ADGRB1: variants seen among roughly 807,000 people sequenced by gnomAD.
The protein encoded by ADGRB1 is brain-specific angiogenesis inhibitor 1.
A neutral mutation model predicts 175.7 loss-of-function variants in ADGRB1; 36 were observed. That is an observed-to-expected ratio of 0.20 (90% confidence interval 0.16 to 0.27). ADGRB1 has a LOEUF of 0.27. Among genes scored for constraint, ADGRB1 ranks in the 10% least tolerant of loss-of-function variants. ADGRB1 has a pLI of 1.00. For missense variants in ADGRB1, 1,731 were observed against 2,255.3 expected, an observed-to-expected ratio of 0.77 and a Z score of 4.71; for synonymous variants, 1,054 against 979.4, an observed-to-expected ratio of 1.08 and a Z score of -1.42.
chr8:142,483,861 C>A, intron 11 of ADGRB1, 116 bp from the exon 12 acceptor site: 1 of 1,094,324 alleles, frequency 9.1e-7, no homozygotes, highest in Non-Finnish European at 1.4e-6. Flanking sequence ...AGCCCTGATC[C>A]TGGTCACATA....
intron 24 of ADGRB1, among the ~76,000 whole-genome samples, chr8:142,531,031 G>A (rs1006411396): frequency 1.3e-5 from 2 of 152,242 alleles, no homozygotes; most frequent in East Asian, 3.8e-4. Flanking sequence ...TAAATGTCAG[G>A]CCTGGAGACC....
chr8:142,481,859 T>A, intron 11 of ADGRB1, 148 bp downstream of exon 11: 1 of 732,306 alleles, frequency 1.4e-6, no homozygotes, highest in Non-Finnish European at 2.1e-6. Context: ...GTCACACATT[T>A]AATCTTGGTC....
At chr8:142,528,606 G>A (rs1235462011) in intron 24 of ADGRB1, among the ~76,000 whole-genome samples, 4 of 151,934 alleles carry the variant, frequency 2.6e-5, no homozygotes, top group African/African-American at 9.7e-5. Context: ...AGTCCTCTCT[G>A]CCGCCGATGC....
chr8:142,464,982 G>A lies in ADGRB1; in HGVS notation c.784G>A (p.Gly262Ser). 1 of 1,498,016 alleles carries A rather than the reference G, an allele frequency of 6.7e-7. No individual in the cohort carries two copies. Among genetic ancestry groups the A allele is most frequent in the Non-Finnish European group, 8.8e-7 (1 of 1,130,442 alleles). The allele number at this position is 1,498,016 out of a possible 1,614,324, so 92.8% of individuals were successfully genotyped here. The change falls in exon 2 of 31, where the codon GGC becomes AGC. Residue 262 changes from glycine (G) to serine (S), a missense_variant and splice_region_variant. By Grantham distance (56) the Gly-to-Ser change is moderately conservative. Around this residue, in one of 8 missense-constraint regions of ADGRB1, gnomAD observed 178 missense variants for 227.8 expected, o/e 0.78. Coordinates refer to ENST00000517894, the MANE Select transcript of ADGRB1 (RefSeq NM_001702.3). The stretch of plus-strand genomic sequence containing the variant: ...GGACCGGGGCGGGCACGGCGCCACA[G>A]GTGAGTGACTGGCGGGGAAACCTTC... ...TQDRGGHGATGGWKLWSLWGE... is the reference protein window; with the variant it reads ...TQDRGGHGATSGWKLWSLWGE...
In ADGRB1 at chr8:142,542,036, C is replaced by T. The variant is rs1451268383; in HGVS notation, c.3802C>T (p.His1268Tyr). The part of the protein sequence containing the change: ...LPEEEKLKLA[H>Y]AKGPPTNFNS... ...CGAGGAGGAGAAGCTGAAGCTGGCC[C>T]ATGCCAAGGGGCCGCCCACCAATTT... is the stretch of plus-strand genomic sequence containing the variant. Residue 1268 changes from histidine to tyrosine, a missense_variant, in exon 28 of 31, where the codon CAT (histidine) becomes TAT (tyrosine). Coordinates refer to ENST00000517894, the MANE Select transcript of ADGRB1 (RefSeq NM_001702.3). This position sits in a 1 kb window ranked among gnomAD's most constrained non-coding sequence, Gnocchi z 6.3. 2.5e-6 allele frequency: 4 copies of T among 1,610,488 alleles called. No homozygotes were observed. The highest frequency in any genetic ancestry group is 3.4e-6 in the Non-Finnish European group (4 of 1,179,148).
At position 142,483,131 on chromosome 8, in the gene ADGRB1, C is replaced by T. The variant is rs529975607; in HGVS notation, c.2131-846C>T. The stretch of plus-strand genomic sequence containing the variant: ...TCACCTGCTGAACCCTGACCTTGGT[C>T]ACATGCTGAACCCTGATCCTGGTCA... On this transcript the variant is annotated intron_variant, in intron 11 of 30. Transcript: ENST00000517894. Among the ~76,000 whole-genome samples, 43 of 151,536 alleles carry T rather than the reference C, an allele frequency of 2.8e-4. 1 individual carries two copies. In the South Asian group the frequency reaches 5.5e-3, roughly 19 times the overall value.
chr8:142,516,228 TG>T (rs531330522), intron 18 of ADGRB1, among the ~76,000 whole-genome samples: 2 of 129,180 alleles, frequency 1.5e-5, no homozygotes, highest in African/African-American at 6.1e-5. Context: ...GGGCCCCAGG[TG>T]TGTGTGTGCG....
At chr8:142,521,626 C>T (rs187487465) in intron 20 of ADGRB1, among the ~76,000 whole-genome samples, 4 of 152,372 alleles carry the variant, frequency 2.6e-5, no homozygotes, top group African/African-American at 9.6e-5. Context: ...TGGGGCGTGA[C>T]GTGCCCTCCC....
intron 17 of ADGRB1, among the ~76,000 whole-genome samples, chr8:142,505,223 G>C (rs540275171): frequency 6.6e-6 from 1 of 152,210 alleles, no homozygotes; most frequent in Non-Finnish European, 1.5e-5. Flanking sequence ...GAGCTCCGAG[G>C]GTGAGAATAG....
intron 1 of ADGRB1, among the ~76,000 whole-genome samples, chr8:142,460,049 G>A (rs1300998315): frequency 6.6e-6 from 1 of 152,268 alleles, no homozygotes; most frequent in Non-Finnish European, 1.5e-5. Context: ...TGTGACCTGG[G>A]CTGCAGTGCC....
chr8:142,519,016 C>T (rs977628506), intron 19 of ADGRB1, among the ~76,000 whole-genome samples: 2 of 152,072 alleles, frequency 1.3e-5, no homozygotes, highest in Admixed American at 6.5e-5. Flanking sequence ...GGAGGGTGGC[C>T]GAGCTTTCCC....
intron 2 of ADGRB1, among the ~76,000 whole-genome samples, chr8:142,468,497 C>T (rs953542293): frequency 2.0e-5 from 3 of 152,220 alleles, no homozygotes; most frequent in African/African-American, 7.2e-5. Context: ...TGCCCACGCT[C>T]TGTGCCCAGA....
chr8:142,510,712 T>TCGGCGG lies in ADGRB1; in HGVS notation c.2676-207_2676-202dup, dbSNP rs938209564. Among the ~76,000 whole-genome samples, 28 of 142,088 alleles carry TCGGCGG rather than the reference T, an allele frequency of 2.0e-4. No homozygotes were observed. The highest frequency in any genetic ancestry group is 4.9e-4 in the African/African-American group (19 of 39,140). The allele number at this position is 142,088 out of a possible 152,430, so 93.2% of individuals were successfully genotyped here. A position where few individuals can be genotyped will look rare whatever the true frequency, so the allele number is the denominator to read the frequency against. ...TCCCTCGGGCTGCGCTCCGCGGCTC[T>TCGGCGG]CGGCGGCGGCGGCGGCGGGCGCAGA... is the stretch of plus-strand genomic sequence containing the variant. On this transcript the variant is annotated intron_variant, in intron 17 of 30. Transcript: ENST00000517894. The surrounding 1 kb of genome is among the most constrained non-coding windows in gnomAD (Gnocchi z 6.3).
Position 142,464,338 on chromosome 8 carries a change from T to A in ADGRB1, c.140T>A (p.Val47Glu), listed in dbSNP as rs780400470. ...GGGCCCGAGCCGTGCGCCACGCTGGTGCAGGGAAAGTTCTTCGGCTACTTC... is the reference window on the plus strand; with the variant it reads ...GGGCCCGAGCCGTGCGCCACGCTGGAGCAGGGAAAGTTCTTCGGCTACTTC... ...GPGPEPCATL[V>E]QGKFFGYFSA... is the part of the protein sequence containing the mutation. The change falls in exon 2 of 31, where the codon GTG becomes GAG. Residue 47 changes from valine to glutamate, a missense_variant. Coordinates refer to ENST00000517894, the MANE Select transcript of ADGRB1 (RefSeq NM_001702.3). 1.3e-6 allele frequency: 2 copies of A among 1,507,844 alleles called. No individual in the cohort carries two copies. The highest frequency in any genetic ancestry group is 2.5e-5 in the South Asian group (2 of 79,834). 93.4% of individuals were successfully genotyped at this position (1,507,844 alleles called of 1,614,324 possible).
chr8:142,517,342 A>G (rs12550060), intron 18 of ADGRB1, among the ~76,000 whole-genome samples: 145,429 of 152,292 alleles, frequency 0.95, 69,563 homozygotes, highest in East Asian at 1. Context: ...CACTTTATTC[A>G]GGTCACCCCG....
rs1845466239 is a variant in ADGRB1, at chr8:142,544,338, G to A, written c.4676G>A (p.Arg1559His). Reference sequence around the variant, plus strand: ...CTGCAGCCGTCGCCGCTGGAGCTTCGCAGCGTGGAGTGGGAGAGGTCGGGC... The same window carrying A: ...CTGCAGCCGTCGCCGCTGGAGCTTCACAGCGTGGAGTGGGAGAGGTCGGGC... ...EPLQPSPLELRSVEWERSGAT... is the reference protein window; with the variant it reads ...EPLQPSPLELHSVEWERSGAT... The change falls in exon 31 of 31, where the codon CGC becomes CAC. Residue 1559 changes from arginine to histidine, a missense_variant. This residue lies in a region of ADGRB1 where 394 missense variants were observed against 410.2 expected (regional missense o/e 0.96). Coordinates refer to ENST00000517894, the MANE Select transcript of ADGRB1 (RefSeq NM_001702.3). 1.0e-5 allele frequency: 16 copies of A among 1,547,662 alleles called. No individual in the cohort carries two copies. Among genetic ancestry groups the A allele is most frequent in the East Asian group, 2.4e-5 (1 of 40,892 alleles).
rs1195660381 is a variant in ADGRB1, at chr8:142,542,146, C to G, written c.3912C>G (p.Asn1304Lys). The G allele has an allele frequency of 4.3e-6, 7 of 1,613,620 alleles. No individual in the cohort carries two copies. The Admixed American group carries it at 5.0e-5, about 12-fold the overall frequency. Residue 1304 changes from asparagine (N) to lysine (K), a missense_variant, in exon 28 of 31, where the codon AAC (asparagine) becomes AAG (lysine). Physicochemically the swap from Asn to Lys is moderately conservative, Grantham distance 94 (BLOSUM62 0). Around this residue, in one of 8 missense-constraint regions of ADGRB1, gnomAD observed 394 missense variants for 410.2 expected, o/e 0.96. Transcript: ENST00000517894. This position sits in a 1 kb window ranked among gnomAD's most constrained non-coding sequence, Gnocchi z 6.3. ...YPGGPLPDFP[N>K]HSLTLKRDKA... ...GCGGGCCCCTGCCCGACTTCCCCAACCACTCACTGACCCTCAAGAGGGACA... is the reference window on the plus strand; with the variant it reads ...GCGGGCCCCTGCCCGACTTCCCCAAGCACTCACTGACCCTCAAGAGGGACA...
intron 23 of ADGRB1, among the ~76,000 whole-genome samples, chr8:142,525,051 G>A (rs763200912): frequency 6.6e-6 from 1 of 152,014 alleles, no homozygotes; most frequent in Non-Finnish European, 1.5e-5. Flanking sequence ...TGCCATGAGC[G>A]GTGTCTCTGC....
At chr8:142,514,992 G>A (rs190726266) in intron 18 of ADGRB1, among the ~76,000 whole-genome samples, 2 of 152,120 alleles carry the variant, frequency 1.3e-5, no homozygotes. Context: ...TCCTTAGGGG[G>A]CAAAGGGTGG....
Sources: gnomAD v4.1 joint callset for allele counts (sites outside exome capture counted in the v4.1 genomes callset) on GRCh38, gnomAD v4.1.1 for gene constraint, gnomAD v4.1.1 regional missense constraint, Gnocchi (gnomAD v3.1) non-coding constraint, MANE v1.5 for transcripts, NCBI Gene and HGNC (gene_info 2026-07-23, HGNC 2026-07-21) for gene names.